The following DLGAP3 variants were observed in gnomAD, a reference collection of about 807,000 sequenced individuals.
The protein encoded by DLGAP3 is DLG associated protein 3, also known as disks large-associated protein 3.
A neutral mutation model predicts 81.2 loss-of-function variants in DLGAP3; 17 were observed. The ratio of observed to expected loss-of-function variants is 0.21; its 90% CI spans 0.14 to 0.31. The LOEUF (loss-of-function observed/expected upper bound fraction) is 0.31. Among genes scored for constraint, DLGAP3 ranks in the 10% least tolerant of loss-of-function variants. The probability of loss-of-function intolerance (pLI) is 1.00; values close to 1 mark genes in which losing one functional copy is unlikely to be tolerated. For missense variants in DLGAP3, 1,124 were observed against 1,388.0 expected (o/e 0.81, Z 3.02); for synonymous variants, 577 against 587.4 (o/e 0.98, Z 0.26).
chr1:34,884,524 A>G (rs537011687), intron 8 of DLGAP3, among the ~76,000 whole-genome samples: 2 of 150,828 alleles, frequency 1.3e-5, no homozygotes, highest in Non-Finnish European at 2.9e-5. Context: ...TGCTTGTGTG[A>G]GCCAAGTGAG....
intron 8 of DLGAP3, among the ~76,000 whole-genome samples, chr1:34,871,033 CCT>C (rs1638970984): frequency 1.3e-5 from 2 of 152,056 alleles, no homozygotes; most frequent in Non-Finnish European, 2.9e-5. Flanking sequence ...CAAGGTAGTT[CCT>C]CTCTCTAAAA....
intron 5 of DLGAP3, among the ~76,000 whole-genome samples, chr1:34,894,823 A>G (rs998000511): frequency 6.6e-6 from 1 of 152,208 alleles, no homozygotes; most frequent in Non-Finnish European, 1.5e-5. Context: ...CTAATAATAT[A>G]AAAAGTAACA....
intron 3 of DLGAP3, among the ~76,000 whole-genome samples, chr1:34,901,835 G>A (rs908733588): frequency 1.3e-5 from 2 of 152,200 alleles, no homozygotes; most frequent in African/African-American, 4.8e-5. Context: ...TGGAAGGTGG[G>A]ATGGGGCTGC....
At position 34,865,897 on chromosome 1, in the gene DLGAP3, G is replaced by C. The variant is rs909353526; in HGVS notation, c.*186C>G. On this transcript the variant is annotated 3_prime_UTR_variant, in exon 12 of 12. Coordinates refer to ENST00000373347, the MANE Select transcript of DLGAP3 (RefSeq NM_001080418.3). ...AGAGGCACGGCCCCCTGCCCAGCCC[G>C]GGCGCCTTCGCGTGGGATCAGGAAG... 4 of 684,712 alleles carry C rather than the reference G, an allele frequency of 5.8e-6. No homozygotes were observed. The highest frequency in any genetic ancestry group is 3.6e-5 in the African/African-American group (2 of 55,074). The allele number at this position is 684,712 out of a possible 1,614,324, so 42.4% of individuals were successfully genotyped here.
chr1:34,922,631 T>C (rs1424795166), intron 1 of DLGAP3, among the ~76,000 whole-genome samples: 3 of 152,140 alleles, frequency 2.0e-5, no homozygotes, highest in Non-Finnish European at 4.4e-5. Context: ...TATACACACA[T>C]CCACACTTAT....
In DLGAP3 at chr1:34,873,489, G is replaced by A. The variant is rs1048090434; in HGVS notation, c.2001-4400C>T. The stretch of plus-strand genomic sequence containing the variant: ...GTAAATGAGAATGATAATAGTAGCA[G>A]TTCATAAGATTGTTGTGAGATAATA... On this transcript the variant is annotated intron_variant, in intron 8 of 11. Coordinates refer to ENST00000373347, the MANE Select transcript of DLGAP3 (RefSeq NM_001080418.3). This position sits in a 1 kb window ranked among gnomAD's most constrained non-coding sequence, Gnocchi z 4.2. 2.0e-5 allele frequency among the ~76,000 whole-genome samples: 3 copies of A among 152,174 alleles called. No homozygotes were observed. Among genetic ancestry groups the A allele is most frequent in the African/African-American group, 7.2e-5 (3 of 41,424 alleles).
At position 34,926,280 on chromosome 1, in the gene DLGAP3, G is replaced by A. The variant is rs532015924; in HGVS notation, c.-135+3171C>T. Among the ~76,000 whole-genome samples the A allele has an allele frequency of 4.9e-4, 74 of 152,306 alleles. No homozygotes were observed. The South Asian group carries it at 0.014, about 29-fold the overall frequency. On this transcript the variant is annotated intron_variant, in intron 1 of 11. Coordinates refer to ENST00000373347, the MANE Select transcript of DLGAP3 (RefSeq NM_001080418.3). ...TTTTCTGTCTGTGACATGGGAAGAA[G>A]GGCTGGTAGGAAGAGATGCTGCATG...
chr1:34,868,563 C>A lies in DLGAP3; in HGVS notation c.2485+42G>T. Reference sequence around the variant, plus strand: ...CAGGGTCTCCTGAGCACACACGAGGCCATGGTCCCCAGAGTCCCCTTGTTC... The same window carrying A: ...CAGGGTCTCCTGAGCACACACGAGGACATGGTCCCCAGAGTCCCCTTGTTC... On this transcript the variant is annotated intron_variant, in intron 9 of 11. Transcript: ENST00000373347. This position sits in a 1 kb window ranked among gnomAD's most constrained non-coding sequence, Gnocchi z 7.5. The A allele has an allele frequency of 6.4e-7, 1 of 1,557,320 alleles. No individual in the cohort carries two copies. Among genetic ancestry groups the A allele is most frequent in the Non-Finnish European group, 8.8e-7 (1 of 1,131,694 alleles).
At position 34,900,330 on chromosome 1, in the gene DLGAP3, G is replaced by C; in HGVS notation, c.1108-57C>G. The C allele has an allele frequency of 1.9e-6, 3 of 1,569,358 alleles. No individual in the cohort carries two copies. The East Asian group carries it at 6.7e-5, about 35-fold the overall frequency. On this transcript the variant is annotated intron_variant, in intron 3 of 11. Coordinates refer to ENST00000373347, the MANE Select transcript of DLGAP3 (RefSeq NM_001080418.3). The surrounding 1 kb of genome is among the most constrained non-coding windows in gnomAD (Gnocchi z 5.6). ...ATGACCCTAGTAAATCTAGAGGCCA[G>C]GACTCTTTCCCCACTGCCAGTGGGA...
At chr1:34,880,015 T>A (rs1047496711) in intron 8 of DLGAP3, among the ~76,000 whole-genome samples, 1 of 152,158 alleles carries the variant, frequency 6.6e-6, no homozygotes, top group Non-Finnish European at 1.5e-5. Context: ...CAAAGACGAA[T>A]AAAATGTAAG....
At position 34,904,512 on chromosome 1, in the gene DLGAP3, C is replaced by A; in HGVS notation, c.872G>T (p.Gly291Val). The A allele has an allele frequency of 6.2e-7, 1 of 1,614,238 alleles. No homozygotes were observed. The highest frequency in any genetic ancestry group is 1.1e-5 in the South Asian group (1 of 91,088). ...CAAGTCCCGGTAGGACCCATCTGGA[C>A]CCTCCAGGCAGAAGGGACCACCAGG... Reference protein sequence around the residue: ...GEPGGPFCLEGPDGSYRDLSF... With the variant: ...GEPGGPFCLEVPDGSYRDLSF... Residue 291 changes from glycine to valine, a missense_variant, in exon 3 of 12, where the codon GGT becomes GTT. Around this residue, in one of 9 missense-constraint regions of DLGAP3, gnomAD observed 357 missense variants for 408.8 expected, o/e 0.87. Transcript: ENST00000373347. This position sits in a 1 kb window ranked among gnomAD's most constrained non-coding sequence, Gnocchi z 8.1.
chr1:34,915,134 C>T (rs1364974941), intron 1 of DLGAP3, among the ~76,000 whole-genome samples: 1 of 152,180 alleles, frequency 6.6e-6, no homozygotes, highest in Non-Finnish European at 1.5e-5. Flanking sequence ...TCACAACCTA[C>T]CTTTATGCCC....
intron 5 of DLGAP3, among the ~76,000 whole-genome samples, chr1:34,891,531 A>G (rs1236105575): frequency 6.6e-6 from 1 of 152,250 alleles, no homozygotes; most frequent in Admixed American, 6.5e-5. Context: ...GGGTGAATGC[A>G]CAGCAGAGAC....
At chr1:34,878,626 T>C (rs1203152491) in intron 8 of DLGAP3, among the ~76,000 whole-genome samples, 1 of 152,148 alleles carries the variant, frequency 6.6e-6, no homozygotes, top group East Asian at 1.9e-4. Flanking sequence ...ACAATCATGG[T>C]GAGACATTTT....
chr1:34,871,352 C>T (rs1306078941), intron 8 of DLGAP3, among the ~76,000 whole-genome samples: 1 of 152,226 alleles, frequency 6.6e-6, no homozygotes, highest in African/African-American at 2.4e-5. Context: ...CCTTCCTCCT[C>T]CTGGCTCCTT....
rs1300050030 is a variant in DLGAP3 at position 34,905,400 on chromosome 1, C to T, written c.-17G>A. The stretch of plus-strand genomic sequence containing the variant: ...ACCCCTCATGGCCTCAGCAAAGGCT[C>T]TTCATAGTCTTGGGGGCCAGGCCCC... On this transcript the variant is annotated 5_prime_UTR_variant, in exon 3 of 12. Transcript: ENST00000373347. 2 of 1,546,916 alleles carry T rather than the reference C, an allele frequency of 1.3e-6. No homozygotes were observed. The highest frequency in any genetic ancestry group is 1.7e-6 in the Non-Finnish European group (2 of 1,145,516).
Position 34,885,516 on chromosome 1 carries a change from C to T in DLGAP3, c.1876G>A (p.Ala626Thr), listed in dbSNP as rs377616910. ...IPGREELRSLARQRKWRPSIG... is the reference protein window; with the variant it reads ...IPGREELRSLTRQRKWRPSIG... Reference sequence around the variant, plus strand: ...GACGGCCGCCACTTCCGCTGCCGCGCCAGGCTCCGCAGCTCCTCCCTGCCA... The same window carrying T: ...GACGGCCGCCACTTCCGCTGCCGCGTCAGGCTCCGCAGCTCCTCCCTGCCA... Residue 626 changes from alanine to threonine, a missense_variant, in exon 7 of 12, where the codon GCG (alanine) becomes ACG (threonine). By Grantham distance (58) the Ala-to-Thr change is moderately conservative. Around this residue, in one of 9 missense-constraint regions of DLGAP3, gnomAD observed 379 missense variants for 455.7 expected, o/e 0.83. Transcript: ENST00000373347. 1.2e-6 allele frequency: 2 copies of T among 1,609,246 alleles called. No homozygotes were observed. Among genetic ancestry groups the T allele is most frequent in the Non-Finnish European group, 1.7e-6 (2 of 1,179,844 alleles).
chr1:34,900,298 C>T lies in DLGAP3; in HGVS notation c.1108-25G>A, dbSNP rs1436711933. 1.1e-5 allele frequency: 18 copies of T among 1,604,568 alleles called. No homozygotes were observed. The highest frequency in any genetic ancestry group is 1.4e-5 in the Non-Finnish European group (17 of 1,172,422). ...CCTGCAGGAACAGGGGTCTCTGTCT[C>T]TCAGACATGACCCTAGTAAATCTAG... On this transcript the variant is annotated intron_variant, in intron 3 of 11. Coordinates refer to ENST00000373347, the MANE Select transcript of DLGAP3 (RefSeq NM_001080418.3). The surrounding 1 kb of genome is among the most constrained non-coding windows in gnomAD (Gnocchi z 5.6).
chr1:34,892,074 T>C (rs1254855641), intron 5 of DLGAP3, among the ~76,000 whole-genome samples: 1 of 152,142 alleles, frequency 6.6e-6, no homozygotes, highest in Non-Finnish European at 1.5e-5. Context: ...CTATTATAAA[T>C]ATATCAAAGA....
Sources: gnomAD v4.1 joint callset for allele counts (sites outside exome capture counted in the v4.1 genomes callset) on GRCh38, gnomAD v4.1.1 for gene constraint, gnomAD v4.1.1 regional missense constraint, Gnocchi (gnomAD v3.1) non-coding constraint, MANE v1.5 for transcripts, NCBI Gene and HGNC (gene_info 2026-07-23, HGNC 2026-07-21) for gene names.